Variants in TNS1 observed in about 807,000 individuals in gnomAD.
TNS1 encodes the protein tensin 1.
A neutral mutation model predicts 168.6 loss-of-function variants in TNS1; 62 were observed. The observed-to-expected ratio is 0.37, with a 90% CI of 0.30 to 0.45. The LOEUF is 0.45. Among genes scored for constraint, TNS1 ranks in the 20% least tolerant of loss-of-function variants. TNS1 has a pLI of 1.00. For synonymous variants in TNS1, 934 were observed against 933.2 expected (o/e 1.00, Z -0.02); for missense variants, 2,240 against 2,339.4 (o/e 0.96, Z 0.88).
At chr2:217,913,389 A>G (rs1954649697) in intron 4 of TNS1, among the ~76,000 whole-genome samples, 1 of 152,088 alleles carries the variant, frequency 6.6e-6, no homozygotes, top group South Asian at 2.1e-4. Flanking sequence ...GGACACCCCC[A>G]ATGCAGCCGG....
intron 19 of TNS1, among the ~76,000 whole-genome samples, chr2:217,844,565 T>A (rs185503461): frequency 3.0e-4 from 45 of 152,330 alleles, no homozygotes; most frequent in African/African-American, 3.8e-4. Context: ...CTCTGCCCAG[T>A]GATCCCGTTT....
In TNS1 at chr2:217,800,725, G is replaced by A. The variant is rs1221527627; in HGVS notation, c.*3734C>T. The A allele has an allele frequency of 3.3e-5, 5 of 152,040 alleles. No homozygotes were observed. Among genetic ancestry groups the A allele is most frequent in the African/African-American group, 1.2e-4 (5 of 41,372 alleles). The allele number at this position is 152,040 out of a possible 1,614,324, so 9.4% of individuals were successfully genotyped here. A position where few individuals can be genotyped will look rare whatever the true frequency, so the allele number is the denominator to read the frequency against. On this transcript the variant is annotated 3_prime_UTR_variant, in exon 33 of 33. Coordinates refer to ENST00000682258, the MANE Select transcript of TNS1 (RefSeq NM_001387777.1). ...GATTGGGTGTCTGCCTTGACTCACAGGATCTCCCCAGGTCCTAAAGCTGAA... is the reference window on the plus strand; with the variant it reads ...GATTGGGTGTCTGCCTTGACTCACAAGATCTCCCCAGGTCCTAAAGCTGAA...
intron 1 of TNS1, among the ~76,000 whole-genome samples, chr2:217,991,318 G>A: frequency 6.6e-6 from 1 of 151,124 alleles, no homozygotes; most frequent in South Asian, 2.1e-4. Flanking sequence ...GCCCCCGCAT[G>A]GCTCCTACCT....
chr2:217,848,813 C>T lies in TNS1; in HGVS notation c.1704G>A (p.Leu568=), dbSNP rs763165713. The change falls in exon 19 of 33, where the codon CTG becomes CTA. Residue 568 remains leucine (L), a synonymous_variant. Coordinates refer to ENST00000682258, the MANE Select transcript of TNS1 (RefSeq NM_001387777.1). ...SPQEKRELDR[L]LSGFGLEREK... ...CTCGCTCTAAGCCAAAGCCACTCAG[C>T]AGGCGGTCCAGCTCCCGCTTCTCCT... The T allele has an allele frequency of 6.2e-7, 1 of 1,614,112 alleles. No homozygotes were observed. Among genetic ancestry groups the T allele is most frequent in the Non-Finnish European group, 8.5e-7 (1 of 1,180,040 alleles).
At chr2:218,007,016 T>A (rs1429346077), upstream of TNS1, among the ~76,000 whole-genome samples, 3 of 151,872 alleles carry the variant, frequency 2.0e-5, no homozygotes, top group Non-Finnish European at 4.4e-5. Context: ...GACCCTGGAT[T>A]TTTTCCCTAA....
chr2:218,016,786 C>T (rs1958765322), intron 1 of TNS1, among the ~76,000 whole-genome samples: 2 of 152,092 alleles, frequency 1.3e-5, no homozygotes, highest in South Asian at 4.1e-4. Flanking sequence ...TGTGAGCAAG[C>T]GCCAAGCCAG....
intron 20 of TNS1, 124 bp downstream of exon 20, chr2:217,835,891 G>T: frequency 1.2e-6 from 1 of 808,920 alleles, no homozygotes; most frequent in Non-Finnish European, 2.0e-6. Flanking sequence ...TTTGGGTGAG[G>T]ACGTAGGGGG....
intron 29 of TNS1, 30 bp downstream of exon 29, chr2:217,810,218 G>A (rs1032918701): frequency 3.1e-6 from 5 of 1,611,736 alleles, no homozygotes; most frequent in Admixed American, 1.7e-5. Flanking sequence ...AGAGGCCTGG[G>A]CATGGGTACA....
intron 1 of TNS1, among the ~76,000 whole-genome samples, chr2:218,022,954 C>A (rs1958821799): frequency 6.6e-6 from 1 of 152,108 alleles, no homozygotes; most frequent in South Asian, 2.1e-4. Context: ...AGCCAGGGGG[C>A]AACAGGCCCA....
intron 3 of TNS1, among the ~76,000 whole-genome samples, chr2:217,942,224 C>A (rs751216905): frequency 1.4e-4 from 21 of 152,162 alleles, no homozygotes; most frequent in Non-Finnish European, 2.9e-4. Context: ...CCTCCTCCAC[C>A]GCCAAGAACC....
intron 32 of TNS1, 127 bp from the exon 33 acceptor site, chr2:217,804,730 G>T: frequency 8.2e-7 from 1 of 1,224,660 alleles, no homozygotes; most frequent in Non-Finnish European, 1.1e-6. Flanking sequence ...GCAGGCCTCA[G>T]CATCAGGGAC....
intron 12 of TNS1, among the ~76,000 whole-genome samples, chr2:217,889,032 G>T (rs959153340): frequency 6.6e-6 from 1 of 152,154 alleles, no homozygotes; most frequent in Non-Finnish European, 1.5e-5. Flanking sequence ...AAGGTCAAAG[G>T]CCACACCGTG....
At chr2:218,005,834 T>A (rs1958652680), upstream of TNS1, among the ~76,000 whole-genome samples, 1 of 152,238 alleles carries the variant, frequency 6.6e-6, no homozygotes, top group Admixed American at 6.5e-5. Context: ...CCTGTACACT[T>A]TTGCCCACAA....
chr2:218,025,599 C>T (rs939035245), intron 1 of TNS1, among the ~76,000 whole-genome samples: 7 of 152,132 alleles, frequency 4.6e-5, no homozygotes, highest in African/African-American at 1.7e-4. Flanking sequence ...AGGCCAGACC[C>T]CCCCACAGGC....
At chr2:218,008,220 A>G (rs982801405) in intron 1 of TNS1, among the ~76,000 whole-genome samples, 3 of 152,006 alleles carry the variant, frequency 2.0e-5, no homozygotes, top group East Asian at 1.9e-4. Flanking sequence ...CTACTCCACA[A>G]TCTTGATCTC....
intron 3 of TNS1, among the ~76,000 whole-genome samples, chr2:217,955,618 G>A (rs1310548346): frequency 6.6e-6 from 1 of 152,214 alleles, no homozygotes; most frequent in Non-Finnish European, 1.5e-5. Flanking sequence ...CTGGGCAGCA[G>A]GAGGTTACAG....
Position 217,880,378 on chromosome 2 carries a change from G to A in TNS1, c.1429+520C>T, listed in dbSNP as rs1559290034. ...CAGCTCTCAAACATTTTTGTTGGCT[G>A]TTGATGAAAGCTTGTAGGCCCTAGA... On this transcript the variant is annotated intron_variant, in intron 18 of 32. Transcript: ENST00000682258. This position sits in a 1 kb window ranked among gnomAD's most constrained non-coding sequence, Gnocchi z 4.2. Among the ~76,000 whole-genome samples, 2 of 152,166 alleles carry A rather than the reference G, an allele frequency of 1.3e-5. No individual in the cohort carries two copies. Among genetic ancestry groups the A allele is most frequent in the Non-Finnish European group, 2.9e-5 (2 of 68,036 alleles).
At chr2:217,843,586 C>T (rs1946268521) in intron 19 of TNS1, among the ~76,000 whole-genome samples, 1 of 152,118 alleles carries the variant, frequency 6.6e-6, no homozygotes. Context: ...TAAAAATATG[C>T]CTTTGATGTT....
intron 19 of TNS1, among the ~76,000 whole-genome samples, chr2:217,839,442 T>C (rs1225556758): frequency 6.6e-6 from 1 of 151,906 alleles, no homozygotes; most frequent in East Asian, 1.9e-4. Flanking sequence ...GCAGCCCCCT[T>C]CCCAGGGAGG....
Sources: gnomAD v4.1 joint callset for allele counts (sites outside exome capture counted in the v4.1 genomes callset) on GRCh38, gnomAD v4.1.1 for gene constraint, Gnocchi (gnomAD v3.1) non-coding constraint, MANE v1.5 for transcripts, NCBI Gene and HGNC (gene_info 2026-07-23, HGNC 2026-07-21) for gene names.